Variants in SESN3 observed in about 807,000 individuals in gnomAD.
The protein encoded by SESN3 is sestrin-3.
Under a neutral mutation model 55.3 loss-of-function variants are expected in SESN3, and 21 were observed. That is an observed-to-expected ratio of 0.38 (90% CI 0.27 to 0.55). The LOEUF is 0.55. Among genes scored for constraint, SESN3 ranks in the 20% least tolerant of loss-of-function variants. The pLI, the probability that SESN3 is intolerant of heterozygous loss-of-function variation, is 0.76. For synonymous variants in SESN3, 181 were observed against 203.1 expected, an observed-to-expected ratio of 0.89 and a Z score of 0.93; for missense variants, 408 against 604.3, an observed-to-expected ratio of 0.68 and a Z score of 3.41.
At chr11:95,209,091 G>GCTT in intron 1 of SESN3, among the ~76,000 whole-genome samples, 1 of 151,592 alleles carries the variant, frequency 6.6e-6, no homozygotes, top group Non-Finnish European at 1.5e-5. Flanking sequence ...AAACTAAAGA[G>GCTT]CTTCTGCACA....
chr11:95,217,534 C>T (rs1442971011), intron 1 of SESN3, among the ~76,000 whole-genome samples: 1 of 151,896 alleles, frequency 6.6e-6, no homozygotes, highest in African/African-American at 2.4e-5. Flanking sequence ...CACCTGTAAT[C>T]CCAGCTACTT....
Position 95,184,479 on chromosome 11 carries a change from T to A in SESN3, c.878A>T (p.Glu293Val). ...GACCACAAAAAGACTTTCTTTCTTC[T>A]CCTTTTCAAAACGAGTGCTCATTTC... ...QEEMSTRFEK[E>V]KKESLFVVSG... Residue 293 changes from glutamate (E) to valine (V), a missense_variant, in exon 6 of 10, where the codon GAG (glutamate) becomes GTG (valine). Around this residue, in one of 4 missense-constraint regions of SESN3, gnomAD observed 119 missense variants for 139.9 expected, o/e 0.85. Transcript: ENST00000536441. The A allele has an allele frequency of 6.2e-7, 1 of 1,613,694 alleles. No homozygotes were observed. The highest frequency in any genetic ancestry group is 8.5e-7 in the Non-Finnish European group (1 of 1,179,788).
intron 4 of SESN3, among the ~76,000 whole-genome samples, chr11:95,188,842 G>C (rs1356423997): frequency 6.6e-6 from 1 of 151,720 alleles, no homozygotes; most frequent in East Asian, 1.9e-4. Context: ...CAAAGTATCT[G>C]GCACAAAGTA....
At chr11:95,178,616 C>A in intron 7 of SESN3, 94 bp downstream of exon 7, 1 of 770,890 alleles carries the variant, frequency 1.3e-6, no homozygotes, top group Non-Finnish European at 2.3e-6. Context: ...TAGATTCTAT[C>A]AAAAATTGTT....
Position 95,178,745 on chromosome 11 carries a change from G to A in SESN3, c.1021C>T (p.Arg341Ter), listed in dbSNP as rs1194594227. ...PGFGYEDFAR[R>*]GEEHLPTFRA... ...AATGTTGGCAAATGCTCTTCTCCTC[G>A]TCTGGCAAAGTCTTCATACCCAAAA... The change falls in exon 7 of 10, where the codon CGA becomes TGA. Residue 341 changes from arginine (R) to a stop codon, truncating the protein, a stop_gained. Coordinates refer to ENST00000536441, the MANE Select transcript of SESN3 (RefSeq NM_144665.4). LOFTEE classifies it high-confidence loss of function. The A allele has an allele frequency of 1.9e-6, 3 of 1,611,688 alleles. No homozygotes were observed. Among genetic ancestry groups the A allele is most frequent in the Non-Finnish European group, 2.5e-6 (3 of 1,178,026 alleles).
chr11:95,175,461 C>A, intron 9 of SESN3, 37 bp downstream of exon 9: 1 of 1,537,510 alleles, frequency 6.5e-7, no homozygotes, highest in Non-Finnish European at 8.9e-7. Flanking sequence ...TACTGAAGAA[C>A]TGTCTATGGT....
chr11:95,179,051 G>A (rs192970071), intron 6 of SESN3, among the ~76,000 whole-genome samples: 3 of 152,178 alleles, frequency 2.0e-5, no homozygotes, highest in Admixed American at 2.0e-4. Flanking sequence ...CTAACTGTTA[G>A]TTTGACTAAC....
At chr11:95,200,237 A>T (rs1281916769) in intron 1 of SESN3, among the ~76,000 whole-genome samples, 1 of 152,116 alleles carries the variant, frequency 6.6e-6, no homozygotes, top group Non-Finnish European at 1.5e-5. Context: ...TGAGAAAACA[A>T]CAGGTTTTAA....
At position 95,226,676 on chromosome 11, in the gene SESN3, CA is replaced by C. The variant is rs927188215; in HGVS notation, c.78+4106del. 6.0e-5 allele frequency among the ~76,000 whole-genome samples: 9 copies of C among 151,084 alleles called. 1 individual carries two copies. The highest frequency in any genetic ancestry group is 3.4e-3 in the Middle Eastern group (1 of 294). On this transcript the variant is annotated intron_variant, in intron 1 of 9. Transcript: ENST00000536441. ...ATCTTTCTCATACATGACACAGTAACAAAAAAAAATTCAAATATCTGTACAA... is the reference window on the plus strand; with the variant it reads ...ATCTTTCTCATACATGACACAGTAACAAAAAAAATTCAAATATCTGTACAA...
chr11:95,195,137 G>C (rs766091972), intron 1 of SESN3, among the ~76,000 whole-genome samples: 1 of 151,934 alleles, frequency 6.6e-6, no homozygotes, highest in Non-Finnish European at 1.5e-5. Context: ...TGTAGGGGGA[G>C]CAAAATATAA....
chr11:95,181,168 G>A (rs143277083), intron 6 of SESN3, among the ~76,000 whole-genome samples: 5 of 152,160 alleles, frequency 3.3e-5, no homozygotes, highest in South Asian at 4.1e-4. Flanking sequence ...TGATACTGGA[G>A]TTGACTATTA....
upstream of SESN3, chr11:95,231,435 T>C: frequency 3.2e-6 from 1 of 310,180 alleles, no homozygotes; most frequent in East Asian, 5.2e-5. Context: ...GGCGGTTAGC[T>C]AAGTAGTAGG....
rs765537834 is a variant in SESN3, at chr11:95,177,855, T to C, written c.1111A>G (p.Ile371Val). 5 of 1,606,338 alleles carry C rather than the reference T, an allele frequency of 3.1e-6. No individual in the cohort carries two copies. Among genetic ancestry groups the C allele is most frequent in the East Asian group, 2.3e-5 (1 of 44,388 alleles). ...AACTTTTCATCAAGAAGATGTCCAA[T>C]GTCAGAATAAAGTCTGTTCACCAGG... ...FSLVNRLYSD[I>V]GHLLDEKFRM... Residue 371 changes from isoleucine (I) to valine (V), a missense_variant, in exon 8 of 10, where the codon ATT becomes GTT. Ile to Val is a conservative substitution (Grantham distance 29). This residue lies in a region of SESN3 where 121 missense variants were observed against 204.9 expected (regional missense o/e 0.59). Coordinates refer to ENST00000536441, the MANE Select transcript of SESN3 (RefSeq NM_144665.4).
At chr11:95,228,451 CTT>C (rs901831701) in intron 1 of SESN3, among the ~76,000 whole-genome samples, 1 of 152,076 alleles carries the variant, frequency 6.6e-6, no homozygotes, top group Admixed American at 6.5e-5. Context: ...TTACTGAACA[CTT>C]TATTAAATGG....
At chr11:95,229,936 A>G (rs1471483345) in intron 1 of SESN3, among the ~76,000 whole-genome samples, 1 of 152,224 alleles carries the variant, frequency 6.6e-6, no homozygotes, top group Non-Finnish European at 1.5e-5. Context: ...CAAAAAGTCT[A>G]GAGACCTTTT....
rs1859817249 is a variant in SESN3, at chr11:95,169,830, T to A, written c.*3425A>T. The A allele has an allele frequency of 6.6e-6, 1 of 152,182 alleles. No individual in the cohort carries two copies. Among genetic ancestry groups the A allele is most frequent in the Non-Finnish European group, 1.5e-5 (1 of 68,022 alleles). The allele number at this position is 152,182 out of a possible 1,614,324, so 9.4% of individuals were successfully genotyped here. On this transcript the variant is annotated 3_prime_UTR_variant, in exon 10 of 10. Coordinates refer to ENST00000536441, the MANE Select transcript of SESN3 (RefSeq NM_144665.4). ...GAAAAAGTTGCTCTGGAATAATAAT[T>A]AGCTTTTAGAAGCATTTAAGATCTT... is the stretch of plus-strand genomic sequence containing the variant.
Position 95,172,679 on chromosome 11 carries a change from C to T in SESN3, c.*576G>A, listed in dbSNP as rs1339749048. 1 of 152,030 alleles carries T rather than the reference C, an allele frequency of 6.6e-6. No homozygotes were observed. Among genetic ancestry groups the T allele is most frequent in the Non-Finnish European group, 1.5e-5 (1 of 67,986 alleles). 9.4% of individuals were successfully genotyped at this position (152,030 alleles called of 1,614,324 possible). A position where few individuals can be genotyped will look rare whatever the true frequency, so the allele number is the denominator to read the frequency against. On this transcript the variant is annotated 3_prime_UTR_variant, in exon 10 of 10. Coordinates refer to ENST00000536441, the MANE Select transcript of SESN3 (RefSeq NM_144665.4). ...AGTAAAACAACAATAAATGAACAAA[C>T]AAACAAATAAAAAACAGTGCCTGAC...
chr11:95,182,249 A>T (rs1269549823), intron 6 of SESN3: 2 of 231,288 alleles, frequency 8.6e-6, no homozygotes, highest in African/African-American at 4.7e-5. Context: ...AATTTCTGAA[A>T]ACACACAGAT....
At chr11:95,197,445 CT>C (rs5793719) in intron 1 of SESN3, among the ~76,000 whole-genome samples, 35,822 of 136,086 alleles carry the variant, frequency 0.26, 3,957 homozygotes, top group Admixed American at 0.3. Context: ...CTTTTCTTTT[CT>C]TTTTTTTTTT....
Sources: gnomAD v4.1 joint callset for allele counts (sites outside exome capture counted in the v4.1 genomes callset) on GRCh38, gnomAD v4.1.1 for gene constraint, gnomAD v4.1.1 regional missense constraint, MANE v1.5 for transcripts, NCBI Gene and HGNC (gene_info 2026-07-23, HGNC 2026-07-21) for gene names.